Variants in ERG observed in about 807,000 individuals in gnomAD.
The protein encoded by ERG is transcriptional regulator ERG.
A neutral mutation model predicts 55.3 loss-of-function variants in ERG; 9 were observed. That is an observed-to-expected ratio of 0.16 (90% CI 0.10 to 0.28). The LOEUF (loss-of-function observed/expected upper bound fraction) is 0.28. Among genes scored for constraint, ERG ranks in the 10% least tolerant of loss-of-function variants. The pLI, the probability that ERG is intolerant of heterozygous loss-of-function variation, is 1.00. For synonymous variants in ERG, 223 were observed against 237.3 expected, an observed-to-expected ratio of 0.94 and a Z score of 0.55; for missense variants, 434 against 631.6, an observed-to-expected ratio of 0.69 and a Z score of 3.35.
At chr21:38,423,709 G>A (rs185730428) in intron 2 of ERG, 148 bp from the exon 3 acceptor site, 46 of 811,488 alleles carry the variant, frequency 5.7e-5, no homozygotes, top group African/African-American at 3.8e-4. Context: ...AAATACAGGC[G>A]GGGTGCCGTG....
intron 1 of ERG, among the ~76,000 whole-genome samples, chr21:38,491,536 G>C (rs1249142428): frequency 6.6e-6 from 1 of 152,222 alleles, no homozygotes; most frequent in Admixed American, 6.5e-5. Flanking sequence ...CGTGTTTAAA[G>C]TAACAGCCCT....
intron 9 of ERG, among the ~76,000 whole-genome samples, chr21:38,385,042 C>A (rs1987628434): frequency 1.3e-5 from 2 of 152,278 alleles, no homozygotes; most frequent in Admixed American, 1.3e-4. Flanking sequence ...TCAAAGAGAT[C>A]ACATTTAGCT....
intron 2 of ERG, among the ~76,000 whole-genome samples, chr21:38,560,217 T>C (rs2059884515): frequency 6.6e-6 from 1 of 152,184 alleles, no homozygotes; most frequent in African/African-American, 2.4e-5. Context: ...GTCAAGCAAA[T>C]GATAACCCTG....
In ERG at chr21:38,647,640, A is replaced by G. The variant is rs116671236; in HGVS notation, c.-150+14018T>C. On this transcript the variant is annotated intron_variant, in intron 1 of 10. Coordinates refer to the ERG transcript ENST00000398910. ...CACTAATTTAAGCCTAAATGTAACT[A>G]CATTACAAAATGTCACTACTTCTTG... is the stretch of plus-strand genomic sequence containing the variant. Among the ~76,000 whole-genome samples the G allele has an allele frequency of 5.0e-3, 768 of 152,334 alleles. 11 individuals carry two copies. The highest frequency in any genetic ancestry group is 0.018 in the African/African-American group (735 of 41,570).
downstream of ERG, among the ~76,000 whole-genome samples, chr21:38,379,263 C>G (rs1190854257): frequency 6.6e-6 from 1 of 152,196 alleles, no homozygotes; most frequent in Non-Finnish European, 1.5e-5. Flanking sequence ...TAAAGTATGA[C>G]CAAGTAAGTT....
chr21:38,470,074 C>T (rs753262883), intron 1 of ERG, among the ~76,000 whole-genome samples: 7 of 152,142 alleles, frequency 4.6e-5, no homozygotes, highest in South Asian at 2.1e-4. Context: ...TCTGTATCTC[C>T]GGAACCCACT....
intron 1 of ERG, among the ~76,000 whole-genome samples, chr21:38,468,301 C>T (rs190707828): frequency 1.2e-4 from 19 of 152,280 alleles, no homozygotes; most frequent in Admixed American, 9.2e-4. Flanking sequence ...TAAACTATTC[C>T]GTAGCTCTGT....
At chr21:38,484,116 C>G (rs1394414808) in intron 1 of ERG, among the ~76,000 whole-genome samples, 1 of 152,114 alleles carries the variant, frequency 6.6e-6, no homozygotes, top group Non-Finnish European at 1.5e-5. Flanking sequence ...AGTTACTGGT[C>G]TTGACGCCTG....
rs117977206 is a variant in ERG at position 38,544,423 on chromosome 21, G to A, written c.-41+31239C>T. Among the ~76,000 whole-genome samples the A allele has an allele frequency of 6.0e-4, 91 of 152,246 alleles. 1 individual carries two copies. The highest frequency in any genetic ancestry group is 6.8e-3 in the Middle Eastern group (2 of 294). On this transcript the variant is annotated intron_variant, in intron 2 of 8. Transcript: ENST00000398897. Reference sequence around the variant, plus strand: ...TTAGGAAAGCAGAGTCATGATCCACGCACAGGATCACGGTGACTTGGACCA... The same window carrying A: ...TTAGGAAAGCAGAGTCATGATCCACACACAGGATCACGGTGACTTGGACCA...
rs201467419 is a variant in ERG at position 38,445,396 on chromosome 21, C to T, written c.236+8G>A. On this transcript the variant is annotated splice_region_variant and intron_variant, in intron 2 of 9. Transcript: ENST00000288319. ...GTCAGGGAGAGAAAGGGGCGGAAGTCTCCTTACCTTGAGCCATTCACCTGG... is the reference window on the plus strand; with the variant it reads ...GTCAGGGAGAGAAAGGGGCGGAAGTTTCCTTACCTTGAGCCATTCACCTGG... 1.9e-6 allele frequency: 3 copies of T among 1,610,420 alleles called. No homozygotes were observed. Among genetic ancestry groups the T allele is most frequent in the Non-Finnish European group, 2.5e-6 (3 of 1,176,974 alleles).
intron 1 of ERG, 65 bp from the exon 2 acceptor site, chr21:38,445,686 T>C: frequency 7.2e-7 from 1 of 1,390,170 alleles, no homozygotes; most frequent in Non-Finnish European, 1.0e-6. Context: ...CAAAAAGTTG[T>C]TGATTTCAGA....
At position 38,469,492 on chromosome 21, in the gene ERG, C is replaced by T. The variant is rs539464800; in HGVS notation, c.19-23871G>A. Reference sequence around the variant, plus strand: ...GAATATCCTACTTTCTTAGAAAAATCGATGAGTACATATAAATATAATTAG... The same window carrying T: ...GAATATCCTACTTTCTTAGAAAAATTGATGAGTACATATAAATATAATTAG... On this transcript the variant is annotated intron_variant, in intron 1 of 9. Transcript: ENST00000288319. Among the ~76,000 whole-genome samples, 7 of 152,290 alleles carry T rather than the reference C, an allele frequency of 4.6e-5. No homozygotes were observed. In the East Asian group the frequency reaches 7.7e-4, roughly 17 times the overall value.
At chr21:38,377,997 G>GA (rs1459023533), downstream of ERG, among the ~76,000 whole-genome samples, 2 of 152,208 alleles carry the variant, frequency 1.3e-5, no homozygotes, top group Non-Finnish European at 1.5e-5. Flanking sequence ...GCAGTGCTGA[G>GA]AAAATAGGAT....
rs73446327 is a variant in ERG, at chr21:38,650,116, T to G, written c.-150+11542A>C. Reference sequence around the variant, plus strand: ...TTTGTTTTATTTTTACAGTAAGCACTGCCCACTGGGAAAAATAAACCAAAA... The same window carrying G: ...TTTGTTTTATTTTTACAGTAAGCACGGCCCACTGGGAAAAATAAACCAAAA... On this transcript the variant is annotated intron_variant, in intron 1 of 10. Transcript: ENST00000398910. Among the ~76,000 whole-genome samples, 324 of 152,294 alleles carry G rather than the reference T, an allele frequency of 2.1e-3. 2 individuals carry two copies. The highest frequency in any genetic ancestry group is 7.1e-3 in the African/African-American group (294 of 41,554).
intron 1 of ERG, among the ~76,000 whole-genome samples, chr21:38,608,139 T>C (rs2060206725): frequency 6.6e-6 from 1 of 152,224 alleles, no homozygotes; most frequent in Non-Finnish European, 1.5e-5. Flanking sequence ...TGTCAAAACA[T>C]AAATATTCTC....
intron 1 of ERG, among the ~76,000 whole-genome samples, chr21:38,628,579 G>A (rs955165372): frequency 1.3e-5 from 2 of 152,196 alleles, no homozygotes; most frequent in African/African-American, 4.8e-5. Context: ...GAGAGAGCTG[G>A]CTGCAGTCCC....
the ERG span, chr21:38,367,654 C>T: frequency 1.1e-4 from 58 of 513,990 alleles, no homozygotes; most frequent in African/African-American, 1.0e-3. Flanking sequence ...CCAACCTATA[C>T]AAAAAGGGTG....
chr21:38,645,767 T>C lies in ERG; in HGVS notation c.-150+15891A>G, dbSNP rs75731437. On this transcript the variant is annotated intron_variant, in intron 1 of 10. Transcript: ENST00000398910. ...GACAAAAAGCATCAGTGAAAATGTA[T>C]GTCCCTTTTACATTCCAAATACAGG... is the stretch of plus-strand genomic sequence containing the variant. Among the ~76,000 whole-genome samples the C allele has an allele frequency of 7.5e-3, 1,137 of 152,328 alleles. 13 individuals are homozygous for C. Among genetic ancestry groups the C allele is most frequent in the African/African-American group, 0.026 (1,082 of 41,568 alleles).
At chr21:38,385,717 C>T (rs1257639327) in intron 9 of ERG, among the ~76,000 whole-genome samples, 1 of 152,182 alleles carries the variant, frequency 6.6e-6, no homozygotes, top group African/African-American at 2.4e-5. Context: ...AAACTGTTCC[C>T]AATCAAGTTT....
Sources: allele counts gnomAD v4.1 joint callset (sites outside exome capture counted in the v4.1 genomes callset), GRCh38; gene constraint gnomAD v4.1.1; transcripts MANE v1.5; gene names NCBI Gene and HGNC (gene_info 2026-07-23, HGNC 2026-07-21).